A2M: variants seen among roughly 807,000 people sequenced by gnomAD.
A2M encodes C3 and PZP-like alpha-2-macroglobulin domain-containing protein 5.
Under a neutral mutation model 183.9 loss-of-function variants are expected in A2M, and 128 were observed. That is an observed-to-expected ratio of 0.70 (90% CI 0.60 to 0.81). The LOEUF is 0.81. Ranked by LOEUF, A2M falls within the 30% of genes least tolerant of loss-of-function variation. The probability of loss-of-function intolerance (pLI) is 0.00; values close to 1 mark genes in which losing one functional copy is unlikely to be tolerated. For synonymous variants in A2M, 592 were observed against 670.8 expected, an observed-to-expected ratio of 0.88 and a Z score of 1.81; for missense variants, 1,495 against 1,787.6, an observed-to-expected ratio of 0.84 and a Z score of 2.95.
chr12:9,115,145 A>G (rs1251816824), intron 1 of A2M: 1 of 152,276 alleles, frequency 6.6e-6, no homozygotes, highest in Non-Finnish European at 1.5e-5. Context: ...TCTGCATTAC[A>G]TGCCAAAAAT....
intron 29 of A2M, among the ~76,000 whole-genome samples, chr12:9,073,975 A>G (rs1357110836): frequency 6.6e-6 from 1 of 151,390 alleles, no homozygotes; most frequent in Non-Finnish European, 1.5e-5. Flanking sequence ...GTAATCCTAG[A>G]TACTTGGGAG....
chr12:9,079,309 G>A lies in A2M; in HGVS notation c.3054C>T (p.Tyr1018=). The A allele has an allele frequency of 6.2e-7, 1 of 1,613,736 alleles. No homozygotes were observed. The highest frequency in any genetic ancestry group is 1.1e-5 in the South Asian group (1 of 91,068). The change falls in exon 25 of 36, where the codon TAC becomes TAT. Residue 1018 remains tyrosine (Y), a synonymous_variant. Coordinates refer to ENST00000318602, the MANE Select transcript of A2M (RefSeq NM_000014.6). The stretch of plus-strand genomic sequence containing the variant: ...TGCTGTAGGAGCCATCATAGTGTTT[G>A]TAGTTCAACTGTCTCTGGTAACCTG... ...LNTGYQRQLN[Y]KHYDGSYSTF...
rs1266940871 is a variant in A2M at position 9,101,596 on chromosome 12, A to G, written c.1345T>C (p.Tyr449His). Reference protein sequence around the residue: ...EEHEEAHHTAYLVFSPSKSFV... With the variant: ...EEHEEAHHTAHLVFSPSKSFV... ...CTCTTGCTTGGGGAGAACACAAGAT[A>G]AGCAGTGTGATGTGCCTCTTCGTGT... is the stretch of plus-strand genomic sequence containing the variant. Residue 449 changes from tyrosine to histidine, a missense_variant, in exon 12 of 36, where the codon TAT (tyrosine) becomes CAT (histidine). Tyr to His is a moderately conservative substitution (Grantham distance 83). Coordinates refer to ENST00000318602, the MANE Select transcript of A2M (RefSeq NM_000014.6). 5.0e-6 allele frequency: 8 copies of G among 1,613,874 alleles called. No homozygotes were observed. In the East Asian group the frequency reaches 8.9e-5, roughly 18 times the overall value.
At chr12:9,102,985 G>A (rs187515512) in intron 11 of A2M, among the ~76,000 whole-genome samples, 1 of 152,090 alleles carries the variant, frequency 6.6e-6, no homozygotes, top group African/African-American at 2.4e-5. Context: ...AATATGTATT[G>A]TATATCCATG....
In A2M at chr12:9,097,174, C is replaced by T. The variant is rs184381393; in HGVS notation, c.1851+1433G>A. 1.8e-4 allele frequency among the ~76,000 whole-genome samples: 27 copies of T among 152,252 alleles called. No homozygotes were observed. The East Asian group carries it at 5.2e-3, about 29-fold the overall frequency. On this transcript the variant is annotated intron_variant, in intron 15 of 35. Coordinates refer to ENST00000318602, the MANE Select transcript of A2M (RefSeq NM_000014.6). ...ATAAAACATGTATATTATTTTCCCACATATCCTCTTGAGATCCTACTGTTG... is the reference window on the plus strand; with the variant it reads ...ATAAAACATGTATATTATTTTCCCATATATCCTCTTGAGATCCTACTGTTG...
intron 22 of A2M, among the ~76,000 whole-genome samples, chr12:9,080,817 G>A (rs1459033043): frequency 6.6e-6 from 1 of 151,900 alleles, no homozygotes; most frequent in East Asian, 1.9e-4. Flanking sequence ...GAGAAGTATG[G>A]TATTTATTTT....
At chr12:9,093,808 C>A (rs969067064) in intron 17 of A2M, among the ~76,000 whole-genome samples, 4 of 151,984 alleles carry the variant, frequency 2.6e-5, no homozygotes, top group Non-Finnish European at 5.9e-5. Context: ...TGCCTGTAAT[C>A]CCAGCACTTT....
intron 20 of A2M, 41 bp downstream of exon 20, chr12:9,090,315 A>G: frequency 6.2e-7 from 1 of 1,613,594 alleles, no homozygotes; most frequent in Non-Finnish European, 8.5e-7. Context: ...GCCATATACA[A>G]TCTTTGAGTA....
In A2M at chr12:9,109,940, C is replaced by T; in HGVS notation, c.600G>A (p.Gln200=). ...FSFPLSSEPF[Q]GSYKVVVQKK... is the part of the protein sequence containing the mutation. Reference sequence around the variant, plus strand: ...TCTGTACCACCACCTTGTAGGAGCCCTGGAAGGGCTCTGATGAGAGGGGAA... The same window carrying T: ...TCTGTACCACCACCTTGTAGGAGCCTTGGAAGGGCTCTGATGAGAGGGGAA... Residue 200 remains glutamine (Q), a synonymous_variant, in exon 6 of 36, where the codon CAG becomes CAA. Coordinates refer to ENST00000318602, the MANE Select transcript of A2M (RefSeq NM_000014.6). 1 of 1,614,050 alleles carries T rather than the reference C, an allele frequency of 6.2e-7. No individual in the cohort carries two copies. Among genetic ancestry groups the T allele is most frequent in the South Asian group, 1.1e-5 (1 of 91,070 alleles).
chr12:9,094,325 GA>G (rs1036119909), intron 17 of A2M, among the ~76,000 whole-genome samples: 10 of 94,384 alleles, frequency 1.1e-4, no homozygotes, highest in Admixed American at 8.4e-4. Flanking sequence ...CAGCTCTCTG[GA>G]AAAAAAAATT....
chr12:9,093,446 T>C lies in A2M; in HGVS notation c.2240+19A>G, dbSNP rs1381896364. On this transcript the variant is annotated intron_variant, in intron 18 of 35. Transcript: ENST00000318602. ...GGGACCTCTATTGTTGCATATTGCATATGCAGGAAGTTACTTACTTTACCA... is the reference window on the plus strand; with the variant it reads ...GGGACCTCTATTGTTGCATATTGCACATGCAGGAAGTTACTTACTTTACCA... 2 of 1,554,678 alleles carry C rather than the reference T, an allele frequency of 1.3e-6. No individual in the cohort carries two copies. The highest frequency in any genetic ancestry group is 2.2e-5 in the South Asian group (2 of 89,818).
intron 33 of A2M, 39 bp downstream of exon 33, chr12:9,069,706 A>T (rs778999372): frequency 6.5e-7 from 1 of 1,532,086 alleles, no homozygotes. Flanking sequence ...GAGGATTATT[A>T]TCTACGTTTT....
Position 9,104,434 on chromosome 12 carries a change from G to A in A2M, c.1105-34C>T, listed in dbSNP as rs376585845. 6.7e-4 allele frequency: 1,030 copies of A among 1,546,694 alleles called. 1 individual carries two copies. Among genetic ancestry groups the A allele is most frequent in the Admixed American group, 1.4e-3 (69 of 50,886 alleles). On this transcript the variant is annotated intron_variant, in intron 10 of 35. Transcript: ENST00000318602. ...TAAAAGCTGTGGATTAGTTATATTG[G>A]TAATAACTAATAGGCACCAAACATA...
intron 21 of A2M, 52 bp from the exon 22 acceptor site, chr12:9,089,303 T>C: frequency 8.0e-7 from 1 of 1,251,126 alleles, no homozygotes; most frequent in Non-Finnish European, 1.1e-6. Context: ...CTTCAGAACA[T>C]GTGTTTTAAT....
chr12:9,087,102 C>T (rs1019296645), intron 22 of A2M, among the ~76,000 whole-genome samples: 11 of 151,418 alleles, frequency 7.3e-5, no homozygotes, highest in African/African-American at 2.7e-4. Flanking sequence ...AATTATAAAA[C>T]ACTGATGAAA....
At chr12:9,106,467 C>T in intron 9 of A2M, 24 bp downstream of exon 9, 1 of 1,503,682 alleles carries the variant, frequency 6.7e-7, no homozygotes, top group South Asian at 1.2e-5. Flanking sequence ...TGTGTTTTCT[C>T]TTATACCCAT....
chr12:9,115,455 A>T (rs1939049417), intron 1 of A2M: 2 of 198,964 alleles, frequency 1.0e-5, no homozygotes, highest in African/African-American at 4.7e-5. Context: ...AGAGGAAATA[A>T]GAAAAGATAA....
At chr12:9,096,339 T>C (rs931487595) in intron 15 of A2M, among the ~76,000 whole-genome samples, 1 of 152,242 alleles carries the variant, frequency 6.6e-6, no homozygotes, top group Non-Finnish European at 1.5e-5. Flanking sequence ...AATCGAGGTC[T>C]GCTGTATTTG....
At chr12:9,092,845 A>G (rs1949253618) in intron 18 of A2M, among the ~76,000 whole-genome samples, 1 of 152,248 alleles carries the variant, frequency 6.6e-6, no homozygotes, top group South Asian at 2.1e-4. Context: ...CACAGTTGCC[A>G]AGATATAAAA....
Sources: allele counts gnomAD v4.1 joint callset (sites outside exome capture counted in the v4.1 genomes callset), GRCh38; gene constraint gnomAD v4.1.1; transcripts MANE v1.5; gene names NCBI Gene and HGNC (gene_info 2026-07-23, HGNC 2026-07-21).